Variants in GBE1 observed in about 807,000 individuals in gnomAD.
GBE1 encodes the protein 1,4-alpha-glucan branching enzyme 1, also known as 1,4-alpha-glucan-branching enzyme.
In GBE1, 70 loss-of-function variants were observed where a neutral mutation model predicts 88.8. The ratio of observed to expected loss-of-function variants is 0.79; its 90% CI spans 0.65 to 0.96. GBE1 has a LOEUF of 0.96. Among genes scored for constraint, GBE1 ranks in the 40% least tolerant of loss-of-function variants. The pLI is 0.00. For missense variants in GBE1, 872 were observed against 871.0 expected, an observed-to-expected ratio of 1.00 and a Z score of -0.01; for synonymous variants, 284 against 300.1, an observed-to-expected ratio of 0.95 and a Z score of 0.56.
At chr3:81,574,946 C>T (rs1443802285) in intron 12 of GBE1, among the ~76,000 whole-genome samples, 2 of 152,072 alleles carry the variant, frequency 1.3e-5, no homozygotes, top group South Asian at 2.1e-4. Flanking sequence ...AGGCGAATCA[C>T]GAGGTCAGGA....
At position 81,646,395 on chromosome 3, in the gene GBE1, G is replaced by C. The variant is rs778627671; in HGVS notation, c.779C>G (p.Ser260Cys). The C allele has an allele frequency of 4.2e-5, 67 of 1,579,272 alleles. No homozygotes were observed. Residue 260 changes from serine to cysteine, a missense_variant, in exon 6 of 16, where the codon TCC becomes TGC. Physicochemically the swap from Ser to Cys is moderately radical, Grantham distance 112. Coordinates refer to ENST00000429644, the MANE Select transcript of GBE1 (RefSeq NM_000158.4). The part of the protein sequence containing the change: ...GYQITSFFAA[S>C]SRYGTPEELQ... ...CACAATGAGTCTCTGATTTTACCTG[G>C]AAGCTGCAAAGAAGCTTGTGATTTG...
intron 3 of GBE1, among the ~76,000 whole-genome samples, chr3:81,661,602 A>G (rs1705032908): frequency 6.6e-6 from 1 of 152,198 alleles, no homozygotes; most frequent in Non-Finnish European, 1.5e-5. Context: ...CCTGAAAAGC[A>G]GTAGGAACTC....
At chr3:81,506,420 T>C (rs1702655069) in intron 14 of GBE1, among the ~76,000 whole-genome samples, 1 of 152,098 alleles carries the variant, frequency 6.6e-6, no homozygotes, top group African/African-American at 2.4e-5. Context: ...CTGGCGAGAT[T>C]GTGGAGAAGA....
chr3:81,622,842 T>C (rs1399433033), intron 7 of GBE1, among the ~76,000 whole-genome samples: 8 of 152,178 alleles, frequency 5.3e-5, no homozygotes, highest in Non-Finnish European at 1.0e-4. Context: ...AGTTCTTTTT[T>C]TAAATCAGTT....
chr3:81,550,722 C>T (rs957382029), intron 12 of GBE1, among the ~76,000 whole-genome samples: 5 of 152,134 alleles, frequency 3.3e-5, no homozygotes, highest in South Asian at 2.1e-4. Flanking sequence ...CATTGCTATA[C>T]GCCCACCATC....
At chr3:81,645,693 G>A (rs909981207) in intron 6 of GBE1, among the ~76,000 whole-genome samples, 1 of 152,154 alleles carries the variant, frequency 6.6e-6, no homozygotes. Context: ...TCTTAGTCGT[G>A]TTTTAGATCT....
intron 1 of GBE1, among the ~76,000 whole-genome samples, chr3:81,752,147 C>CA (rs769422382): frequency 6.6e-6 from 1 of 151,630 alleles, no homozygotes; most frequent in Non-Finnish European, 1.5e-5. Context: ...CATCTTATGG[C>CA]AAAATCAAAC....
chr3:81,503,128 T>C (rs546393187), intron 14 of GBE1, among the ~76,000 whole-genome samples: 1 of 152,328 alleles, frequency 6.6e-6, no homozygotes, highest in East Asian at 1.9e-4. Flanking sequence ...AAATTATCTT[T>C]ACTCCCCCAT....
chr3:81,728,705 T>C (rs1025380556), intron 1 of GBE1, among the ~76,000 whole-genome samples: 1 of 151,482 alleles, frequency 6.6e-6, no homozygotes, highest in Non-Finnish European at 1.5e-5. Flanking sequence ...GAAAGAAAAA[T>C]CCCTGACAAA....
intron 7 of GBE1, among the ~76,000 whole-genome samples, chr3:81,633,247 T>C (rs1193675042): frequency 6.6e-6 from 1 of 152,130 alleles, no homozygotes; most frequent in Non-Finnish European, 1.5e-5. Flanking sequence ...ACAATGACAA[T>C]TATCACAACT....
chr3:81,630,073 T>G (rs996970218), intron 7 of GBE1, among the ~76,000 whole-genome samples: 3 of 152,172 alleles, frequency 2.0e-5, no homozygotes, highest in Non-Finnish European at 4.4e-5. Context: ...TGCATGGTAT[T>G]CCATGATGTA....
At chr3:81,744,271 A>G (rs1298069347) in intron 1 of GBE1, among the ~76,000 whole-genome samples, 1 of 128,730 alleles carries the variant, frequency 7.8e-6, no homozygotes, top group Non-Finnish European at 1.6e-5. Flanking sequence ...AACGACAGGT[A>G]AAATATCTCA....
chr3:81,490,272 T>A lies in GBE1; in HGVS notation c.*135A>T. 1.4e-6 allele frequency: 1 copy of A among 732,972 alleles called. No individual in the cohort carries two copies. Among genetic ancestry groups the A allele is most frequent in the Non-Finnish European group, 2.4e-6 (1 of 417,512 alleles). The allele number at this position is 732,972 out of a possible 1,614,324, so 45.4% of individuals were successfully genotyped here. A position where few individuals can be genotyped will look rare whatever the true frequency, so the allele number is the denominator to read the frequency against. On this transcript the variant is annotated 3_prime_UTR_variant, in exon 16 of 16. Coordinates refer to ENST00000429644, the MANE Select transcript of GBE1 (RefSeq NM_000158.4). ...AGTTTGCTGTATTTGCATAAACCAATATTGAATTTCAGACACTTGATGGCT... is the reference window on the plus strand; with the variant it reads ...AGTTTGCTGTATTTGCATAAACCAAAATTGAATTTCAGACACTTGATGGCT...
intron 6 of GBE1, among the ~76,000 whole-genome samples, chr3:81,645,673 C>T (rs1195090206): frequency 6.6e-6 from 1 of 152,146 alleles, no homozygotes; most frequent in African/African-American, 2.4e-5. Context: ...CACCGCTTTC[C>T]CCAGTTAACT....
chr3:81,597,772 C>T (rs754770022), intron 7 of GBE1, among the ~76,000 whole-genome samples: 18 of 151,630 alleles, frequency 1.2e-4, no homozygotes, highest in Admixed American at 1.3e-4. Flanking sequence ...AATATAGAAA[C>T]TGAATACATC....
At chr3:81,690,591 A>G (rs1254305177) in intron 2 of GBE1, among the ~76,000 whole-genome samples, 1 of 152,212 alleles carries the variant, frequency 6.6e-6, no homozygotes, top group Admixed American at 6.5e-5. Flanking sequence ...TTGCTAATCA[A>G]TTAATTGGGA....
intron 12 of GBE1, among the ~76,000 whole-genome samples, chr3:81,562,843 C>T (rs144190632): frequency 9.3e-5 from 14 of 149,938 alleles, no homozygotes; most frequent in Admixed American, 2.0e-4. Flanking sequence ...TATTTTGAGA[C>T]GGTATGTATA....
chr3:81,595,589 A>T (rs766907773), intron 7 of GBE1, among the ~76,000 whole-genome samples: 4 of 151,988 alleles, frequency 2.6e-5, no homozygotes, highest in Admixed American at 6.6e-5. Context: ...TACTCTTCTA[A>T]GTAAAGGGAA....
intron 14 of GBE1, among the ~76,000 whole-genome samples, chr3:81,508,659 C>A (rs1311754491): frequency 1.3e-5 from 2 of 151,978 alleles, no homozygotes; most frequent in African/African-American, 2.4e-5. Context: ...TGCAATATAG[C>A]TAAATAAAAA....
Sources: allele counts gnomAD v4.1 joint callset (sites outside exome capture counted in the v4.1 genomes callset), GRCh38; gene constraint gnomAD v4.1.1; transcripts MANE v1.5; gene names NCBI Gene and HGNC (gene_info 2026-07-23, HGNC 2026-07-21).